FAM216A: variants seen among roughly 807,000 people sequenced by gnomAD.
FAM216A encodes the protein family with sequence similarity 216 member A, also known as protein FAM216A.
A neutral mutation model predicts 37.6 loss-of-function variants in FAM216A; 26 were observed. That is an observed-to-expected ratio of 0.69 (90% CI 0.51 to 0.96). FAM216A has a LOEUF of 0.96. Ranked by LOEUF, FAM216A falls within the 40% of genes least tolerant of loss-of-function variation. The pLI, the probability that FAM216A is intolerant of heterozygous loss-of-function variation, is 0.00. For missense variants in FAM216A, 326 were observed against 339.3 expected (o/e 0.96, Z 0.31); for synonymous variants, 110 against 121.7 (o/e 0.90, Z 0.64).
At chr12:110,472,454 C>G (rs2062691900) in intron 1 of FAM216A, among the ~76,000 whole-genome samples, 1 of 151,858 alleles carries the variant, frequency 6.6e-6, no homozygotes, top group African/African-American at 2.4e-5. Context: ...GTGGTCCTGG[C>G]TACTTGGTGG....
At chr12:110,486,224 A>G in intron 3 of FAM216A, 101 bp from the exon 4 acceptor site, 2 of 1,260,906 alleles carry the variant, frequency 1.6e-6, no homozygotes, top group Non-Finnish European at 2.2e-6. Context: ...AGTAAAATAC[A>G]GTTGGCACAA....
Position 110,490,141 on chromosome 12 carries a change from T to A in FAM216A, c.*4T>A. 1 of 1,391,998 alleles carries A rather than the reference T, an allele frequency of 7.2e-7. No homozygotes were observed. The highest frequency in any genetic ancestry group is 1.0e-6 in the Non-Finnish European group (1 of 977,310). The allele number at this position is 1,391,998 out of a possible 1,614,324, so 86.2% of individuals were successfully genotyped here. On this transcript the variant is annotated 3_prime_UTR_variant, in exon 7 of 7. Coordinates refer to ENST00000377673, the MANE Select transcript of FAM216A (RefSeq NM_013300.3). ...AGAACATCTGATGTTAACTTGACAG[T>A]CTTGTCTCGTGTATTGAATTCGTGC...
intron 6 of FAM216A, among the ~76,000 whole-genome samples, chr12:110,488,923 CTG>C (rs1384046036): frequency 6.6e-6 from 1 of 152,178 alleles, no homozygotes; most frequent in East Asian, 1.9e-4. Flanking sequence ...GAAAGCAAGA[CTG>C]TGGATAAGGA....
At chr12:110,473,221 T>G (rs2062696608) in intron 2 of FAM216A, 103 bp downstream of exon 2, 3 of 546,382 alleles carry the variant, frequency 5.5e-6, no homozygotes, top group Non-Finnish European at 6.3e-6. Flanking sequence ...TCTTTTTTCT[T>G]TTTTTTTTGA....
chr12:110,486,088 G>C (rs1186988879), intron 3 of FAM216A, among the ~76,000 whole-genome samples: 1 of 152,210 alleles, frequency 6.6e-6, no homozygotes. Context: ...TTCATCTAGA[G>C]CAATGGGTTC....
At position 110,468,934 on chromosome 12, in the gene FAM216A, G is replaced by A; in HGVS notation, c.59G>A (p.Gly20Asp). The A allele has an allele frequency of 3.9e-6, 6 of 1,524,252 alleles. No homozygotes were observed. The highest frequency in any genetic ancestry group is 4.0e-4 in the Middle Eastern group (2 of 4,954). 94.4% of individuals were successfully genotyped at this position (1,524,252 alleles called of 1,614,324 possible). A position where few individuals can be genotyped will look rare whatever the true frequency, so the allele number is the denominator to read the frequency against. The change falls in exon 1 of 7, where the codon GGC becomes GAC. Residue 20 changes from glycine to aspartate, a missense_variant. By Grantham distance (94) the Gly-to-Asp change is moderately conservative. Coordinates refer to ENST00000377673, the MANE Select transcript of FAM216A (RefSeq NM_013300.3). ...ARGLGAAEMPGQGPGSDWTER... is the reference protein window; with the variant it reads ...ARGLGAAEMPDQGPGSDWTER... ...GGTCTCGGCGCCGCGGAGATGCCCGGCCAGGGTCCGGGGTCCGACTGGACG... is the reference window on the plus strand; with the variant it reads ...GGTCTCGGCGCCGCGGAGATGCCCGACCAGGGTCCGGGGTCCGACTGGACG...
chr12:110,482,604 G>A (rs1216939983), intron 2 of FAM216A, among the ~76,000 whole-genome samples: 16 of 151,414 alleles, frequency 1.1e-4, no homozygotes, highest in Admixed American at 1.1e-3. Context: ...GACCATCCTG[G>A]CTAACATGGT....
intron 2 of FAM216A, among the ~76,000 whole-genome samples, chr12:110,477,940 C>T (rs2062723990): frequency 6.6e-6 from 1 of 152,034 alleles, no homozygotes; most frequent in South Asian, 2.1e-4. Flanking sequence ...ATCTCCTGAC[C>T]TTGTGATCTG....
At position 110,490,297 on chromosome 12, in the gene FAM216A, T is replaced by C; in HGVS notation, c.*160T>C. The C allele has an allele frequency of 1.6e-6, 1 of 641,302 alleles. No individual in the cohort carries two copies. Among genetic ancestry groups the C allele is most frequent in the East Asian group, 2.7e-5 (1 of 36,452 alleles). The allele number at this position is 641,302 out of a possible 1,614,324, so 39.7% of individuals were successfully genotyped here. ...ATGTAATTGGTCTGATGTAGTTCCA[T>C]GTACCAATGATAGTTATGTAAGAAA... is the stretch of plus-strand genomic sequence containing the variant. On this transcript the variant is annotated 3_prime_UTR_variant, in exon 7 of 7. Transcript: ENST00000377673.
upstream of FAM216A, chr12:110,468,628 G>T (rs1239681453): frequency 3.3e-6 from 5 of 1,537,090 alleles, no homozygotes; most frequent in Admixed American, 7.8e-5. Context: ...CTCTTGTTTT[G>T]GGGAGCATGT....
intron 5 of FAM216A, chr12:110,487,641 A>G: frequency 1.9e-6 from 1 of 518,802 alleles, no homozygotes; most frequent in Non-Finnish European, 3.4e-6. Flanking sequence ...GGGGAATACT[A>G]TATAACAGGG....
At chr12:110,479,673 C>T (rs2135548420) in intron 2 of FAM216A, among the ~76,000 whole-genome samples, 1 of 151,898 alleles carries the variant, frequency 6.6e-6, no homozygotes, top group East Asian at 1.9e-4. Flanking sequence ...CCCGTCTCTA[C>T]TAAAAATACA....
At chr12:110,471,017 T>C (rs1307364768) in intron 1 of FAM216A, among the ~76,000 whole-genome samples, 1 of 152,130 alleles carries the variant, frequency 6.6e-6, no homozygotes, top group Non-Finnish European at 1.5e-5. Flanking sequence ...ATTCCGGTCA[T>C]ATTTACTAAT....
rs1242179357 is a variant in FAM216A, at chr12:110,486,338, C to A, written c.320C>A (p.Thr107Asn). Residue 107 changes from threonine (T) to asparagine (N), a missense_variant, in exon 4 of 7, where the codon ACC becomes AAC. Physicochemically the swap from Thr to Asn is moderately conservative, Grantham distance 65. Coordinates refer to ENST00000377673, the MANE Select transcript of FAM216A (RefSeq NM_013300.3). ...TCTGTCTTTTAGCATCCAGACCTCA[C>A]CACAGGCCAGAAGCGTTACCTGTGC... The part of the protein sequence containing the change: ...EASFFKHPDL[T>N]TGQKRYLCSI... 1.9e-6 allele frequency: 3 copies of A among 1,610,282 alleles called. No individual in the cohort carries two copies. The highest frequency in any genetic ancestry group is 2.5e-6 in the Non-Finnish European group (3 of 1,177,864).
At position 110,486,568 on chromosome 12, in the gene FAM216A, C is replaced by T. The variant is rs747779197; in HGVS notation, c.471C>T (p.Ser157=). 5 of 1,613,872 alleles carry T rather than the reference C, an allele frequency of 3.1e-6. No individual in the cohort carries two copies. In the African/African-American group the frequency reaches 6.7e-5, roughly 22 times the overall value. The stretch of plus-strand genomic sequence containing the variant: ...CTCATCACAGAAGCCGCCTTAGCTC[C>T]CGTTACTCACAGAAACAGCATTACC... ...VLTHHRSRLS[S]RYSQKQHYPC... The change falls in exon 5 of 7, where the codon TCC becomes TCT. Residue 157 remains serine, a synonymous_variant. Coordinates refer to ENST00000377673, the MANE Select transcript of FAM216A (RefSeq NM_013300.3).
At chr12:110,480,732 G>T (rs926763392) in intron 2 of FAM216A, among the ~76,000 whole-genome samples, 2 of 151,890 alleles carry the variant, frequency 1.3e-5, no homozygotes, top group African/African-American at 4.8e-5. Flanking sequence ...CTAAAACTCC[G>T]TACCTATAAA....
chr12:110,486,824 C>G, intron 5 of FAM216A, 107 bp downstream of exon 5: 1 of 997,934 alleles, frequency 1.0e-6, no homozygotes, highest in African/African-American at 1.6e-5. Flanking sequence ...TGGTGTGATA[C>G]AGTTTACTGT....
chr12:110,485,243 T>A, intron 3 of FAM216A, 44 bp downstream of exon 3: 2 of 1,564,610 alleles, frequency 1.3e-6, no homozygotes, highest in Non-Finnish European at 1.7e-6. Context: ...CTCTTTGTAT[T>A]CAGAGCCGAA....
chr12:110,486,492 C>A (rs775150977), intron 4 of FAM216A, 38 bp downstream of exon 4: 42 of 1,607,124 alleles, frequency 2.6e-5, no homozygotes, highest in Non-Finnish European at 3.6e-5. Flanking sequence ...CTAGTTTTTA[C>A]AATTAGTGAG....
Sources: allele counts gnomAD v4.1 joint callset (sites outside exome capture counted in the v4.1 genomes callset), GRCh38; gene constraint gnomAD v4.1.1; transcripts MANE v1.5; gene names NCBI Gene and HGNC (gene_info 2026-07-23, HGNC 2026-07-21).